SERAC1: variants seen among roughly 807,000 people sequenced by gnomAD.
The protein encoded by SERAC1 is serine active site containing 1, also known as protein SERAC1.
SERAC1 carries 36 observed loss-of-function variants against 85.7 expected under a neutral mutation model. The observed-to-expected ratio is 0.42, with a 90% CI of 0.32 to 0.55. SERAC1 has a LOEUF of 0.55. Ranked by LOEUF, SERAC1 falls within the 20% of genes least tolerant of loss-of-function variation. SERAC1 has a pLI of 0.11. For missense variants in SERAC1, 629 were observed against 796.2 expected (o/e 0.79, Z 2.53); for synonymous variants, 242 against 265.3 (o/e 0.91, Z 0.85).
intron 8 of SERAC1, among the ~76,000 whole-genome samples, chr6:158,133,487 G>C (rs751140023): frequency 2.1e-5 from 3 of 145,880 alleles, no homozygotes; most frequent in Non-Finnish European, 4.5e-5. Flanking sequence ...CCGGGTTCAA[G>C]TTATTCTCCT....
intron 3 of SERAC1, 93 bp downstream of exon 3, chr6:158,155,222 T>C: frequency 2.4e-6 from 2 of 837,106 alleles, no homozygotes; most frequent in Non-Finnish European, 4.0e-6. Flanking sequence ...ATCTATACCC[T>C]TTCAAGACCT....
chr6:158,162,641 TTCTA>T (rs1412053521), intron 1 of SERAC1, among the ~76,000 whole-genome samples: 1 of 152,246 alleles, frequency 6.6e-6, no homozygotes, highest in East Asian at 1.9e-4. Context: ...TTCCATTTTT[TTCTA>T]TCTGTCTGAC....
chr6:158,136,594 G>A (rs1784799188), intron 8 of SERAC1, among the ~76,000 whole-genome samples: 1 of 152,108 alleles, frequency 6.6e-6, no homozygotes, highest in Non-Finnish European at 1.5e-5. Context: ...CTCCTGGACT[G>A]AGGTATCCTC....
intron 10 of SERAC1, among the ~76,000 whole-genome samples, chr6:158,126,373 G>C (rs1370857499): frequency 9.2e-6 from 1 of 108,234 alleles, no homozygotes; most frequent in African/African-American, 3.8e-5. Context: ...AGTTTGCTGG[G>C]GCTCCCATTA....
At chr6:158,113,363 A>G in intron 16 of SERAC1, 86 bp downstream of exon 16, 1 of 1,062,110 alleles carries the variant, frequency 9.4e-7, no homozygotes, top group East Asian at 2.4e-5. Flanking sequence ...AAAACTGAGA[A>G]CCTGGATATA....
chr6:158,151,205 G>A (rs1251755159), intron 3 of SERAC1: 1 of 152,066 alleles, frequency 6.6e-6, no homozygotes, highest in Non-Finnish European at 1.5e-5. Context: ...TGTAGGCCTA[G>A]GCTAATGGGT....
At chr6:158,114,752 A>C in intron 15 of SERAC1, 37 bp downstream of exon 15, 4 of 1,276,292 alleles carry the variant, frequency 3.1e-6, no homozygotes, top group Non-Finnish European at 4.3e-6. Flanking sequence ...ACTGATGTTA[A>C]TATAACCCCA....
chr6:158,120,658 A>G lies in SERAC1; in HGVS notation c.1016-83T>C. On this transcript the variant is annotated intron_variant, in intron 10 of 16. Transcript: ENST00000647468. This position sits in a 1 kb window ranked among gnomAD's most constrained non-coding sequence, Gnocchi z 4.4. ...AGAGTGAGGTTTCAAACTGAATATG[A>G]TGGGAGAAAGGCAAACCTTGCGTGT... The G allele has an allele frequency of 6.9e-7, 1 of 1,458,066 alleles. No individual in the cohort carries two copies. Among genetic ancestry groups the G allele is most frequent in the South Asian group, 1.3e-5 (1 of 77,462 alleles). 90.3% of individuals were successfully genotyped at this position (1,458,066 alleles called of 1,614,324 possible). A position where few individuals can be genotyped will look rare whatever the true frequency, so the allele number is the denominator to read the frequency against.
rs201023302 is a variant in SERAC1 at position 158,124,748 on chromosome 6, AAC to A, written c.1015+3358_1015+3359del. On this transcript the variant is annotated intron_variant, in intron 10 of 16. Coordinates refer to ENST00000647468, the MANE Select transcript of SERAC1 (RefSeq NM_032861.4). ...GAATGACATTTTAGAAATGCTGGAA[AAC>A]ACACACACACACACACACACACACA... Among the ~76,000 whole-genome samples the A allele has an allele frequency of 8.2e-3, 1,082 of 131,440 alleles. 6 individuals carry two copies. The highest frequency in any genetic ancestry group is 0.022 in the African/African-American group (735 of 33,206). 86.2% of individuals were successfully genotyped at this position (131,440 alleles called of 152,430 possible). A position where few individuals can be genotyped will look rare whatever the true frequency, so the allele number is the denominator to read the frequency against.
rs1784330370 is a variant in SERAC1, at chr6:158,117,899, A to G, written c.1309-78T>C. 1.8e-6 allele frequency: 2 copies of G among 1,095,166 alleles called. No individual in the cohort carries two copies. The highest frequency in any genetic ancestry group is 2.7e-5 in the South Asian group (2 of 74,050). The allele number at this position is 1,095,166 out of a possible 1,614,324, so 67.8% of individuals were successfully genotyped here. ...TTACTGCCTAGTAAATCAAATTTAT[A>G]ACTAAAGGCCTCTTGCACTATAATT... On this transcript the variant is annotated intron_variant, in intron 12 of 16. Coordinates refer to ENST00000647468, the MANE Select transcript of SERAC1 (RefSeq NM_032861.4). This position sits in a 1 kb window ranked among gnomAD's most constrained non-coding sequence, Gnocchi z 4.3.
At chr6:158,124,184 T>C (rs1202915624) in intron 10 of SERAC1, among the ~76,000 whole-genome samples, 2 of 152,180 alleles carry the variant, frequency 1.3e-5, no homozygotes, top group Non-Finnish European at 2.9e-5. Context: ...TTTGATCAGG[T>C]CTTTGTCCTG....
At chr6:158,140,877 G>A (rs1178636822) in intron 8 of SERAC1, among the ~76,000 whole-genome samples, 2 of 152,162 alleles carry the variant, frequency 1.3e-5, no homozygotes, top group African/African-American at 2.4e-5. Flanking sequence ...GTTAAGTGGT[G>A]TGAGAAAGTA....
chr6:158,128,164 C>T lies in SERAC1; in HGVS notation c.959G>A (p.Arg320His), dbSNP rs79231187. Residue 320 changes from arginine (R) to histidine (H), a missense_variant, in exon 10 of 17, where the codon CGT (arginine) becomes CAT (histidine). Coordinates refer to ENST00000647468, the MANE Select transcript of SERAC1 (RefSeq NM_032861.4). ...ATTCAAAGCCATATTTCCAATGACA[C>T]GCATTATATTTCTCTGTACTTTAGG... The part of the protein sequence containing the change: ...DCPKVQRNIM[R>H]VIGNMALNEH... 7.4e-6 allele frequency: 12 copies of T among 1,613,986 alleles called. No individual in the cohort carries two copies. The highest frequency in any genetic ancestry group is 4.4e-5 in the South Asian group (4 of 91,070).
intron 2 of SERAC1, among the ~76,000 whole-genome samples, chr6:158,157,518 A>C (rs1158708412): frequency 2.0e-5 from 3 of 152,230 alleles, no homozygotes; most frequent in Non-Finnish European, 2.9e-5. Flanking sequence ...TTGTATTCTT[A>C]GGGCCTAGAA....
rs566879604 is a variant in SERAC1 at position 158,150,566 on chromosome 6, T to C, written c.152A>G (p.Glu51Gly). 21 of 1,598,422 alleles carry C rather than the reference T, an allele frequency of 1.3e-5. 1 individual carries two copies. In the African/African-American group the frequency reaches 1.9e-4, roughly 14 times the overall value. Residue 51 changes from glutamate to glycine, a missense_variant, in exon 4 of 17, where the codon GAA becomes GGA. Coordinates refer to ENST00000647468, the MANE Select transcript of SERAC1 (RefSeq NM_032861.4). ...ILGGSLFLTYEVLALKKAVTL... is the reference protein window; with the variant it reads ...ILGGSLFLTYGVLALKKAVTL... ...CACAGCCTTCTTCAGGGCCAGAACT[T>C]CATATGTAAGAAATAAAGAACCTCT...
At position 158,117,618 on chromosome 6, in the gene SERAC1, A is replaced by G; in HGVS notation, c.1403+109T>C. ...AAGATTAGGTTTGTTCTTCATAAGA[A>G]AATCCTGTCTGTGGCATCAAAAAAT... On this transcript the variant is annotated intron_variant, in intron 13 of 16. Transcript: ENST00000647468. The surrounding 1 kb of genome is among the most constrained non-coding windows in gnomAD (Gnocchi z 4.3). The G allele has an allele frequency of 6.3e-7, 1 of 1,577,316 alleles. No homozygotes were observed. Among genetic ancestry groups the G allele is most frequent in the Non-Finnish European group, 8.6e-7 (1 of 1,159,218 alleles).
At chr6:158,134,233 C>A (rs1288720429) in intron 8 of SERAC1, among the ~76,000 whole-genome samples, 1 of 152,184 alleles carries the variant, frequency 6.6e-6, no homozygotes, top group Non-Finnish European at 1.5e-5. Flanking sequence ...TTGAATGGAA[C>A]CATATGAAGC....
chr6:158,158,600 G>A, intron 1 of SERAC1: 1 of 346,900 alleles, frequency 2.9e-6, no homozygotes, highest in Non-Finnish European at 5.3e-6. Context: ...GTGTCCAATT[G>A]TGCATAGTTT....
Position 158,117,420 on chromosome 6 carries a change from A to G in SERAC1, c.1403+307T>C, listed in dbSNP as rs1784315393. The stretch of plus-strand genomic sequence containing the variant: ...TATGATTGTGGACACAAGAACAAAA[A>G]AACATCACTTTTACTTCTGATAGAA... On this transcript the variant is annotated intron_variant, in intron 13 of 16. Transcript: ENST00000647468. This position sits in a 1 kb window ranked among gnomAD's most constrained non-coding sequence, Gnocchi z 4.3. 4.0e-6 allele frequency: 5 copies of G among 1,240,544 alleles called. No homozygotes were observed. The highest frequency in any genetic ancestry group is 2.7e-5 in the Admixed American group (1 of 37,436). 76.8% of individuals were successfully genotyped at this position (1,240,544 alleles called of 1,614,324 possible). A position where few individuals can be genotyped will look rare whatever the true frequency, so the allele number is the denominator to read the frequency against.
Sources: gnomAD v4.1 joint callset for allele counts (sites outside exome capture counted in the v4.1 genomes callset) on GRCh38, gnomAD v4.1.1 for gene constraint, Gnocchi (gnomAD v3.1) non-coding constraint, MANE v1.5 for transcripts, NCBI Gene and HGNC (gene_info 2026-07-23, HGNC 2026-07-21) for gene names.